Variants in DENND2B observed in about 807,000 individuals in gnomAD.
The protein encoded by DENND2B is DENN domain-containing protein 2B.
In DENND2B, 32 loss-of-function variants were observed where a neutral mutation model predicts 116.0. The ratio of observed to expected loss-of-function variants is 0.28; its 90% confidence interval spans 0.21 to 0.37. The LOEUF (loss-of-function observed/expected upper bound fraction) is 0.37, where lower values mean the gene tolerates loss of function less well. Among genes scored for constraint, DENND2B ranks in the 10% least tolerant of loss-of-function variants. DENND2B has a pLI of 1.00. For synonymous variants in DENND2B, 588 were observed against 583.9 expected, an observed-to-expected ratio of 1.01 and a Z score of -0.10; for missense variants, 1,276 against 1,477.7, an observed-to-expected ratio of 0.86 and a Z score of 2.24.
At chr11:8,775,783 G>C (rs1224732594) in intron 1 of DENND2B, among the ~76,000 whole-genome samples, 1 of 152,144 alleles carries the variant, frequency 6.6e-6, no homozygotes, top group African/African-American at 2.4e-5. Flanking sequence ...CTCATACCTA[G>C]TTTACTGCAA....
At chr11:8,880,901 A>T (rs2063897785) in intron 2 of DENND2B, 2 of 152,148 alleles carry the variant, frequency 1.3e-5, no homozygotes, top group Admixed American at 6.5e-5. Context: ...AGAAAGGAGA[A>T]ATGTAAATTC....
Position 8,766,553 on chromosome 11 carries a change from G to A in DENND2B, c.-25-15828C>T, listed in dbSNP as rs1322592946. On this transcript the variant is annotated intron_variant, in intron 1 of 19. Coordinates refer to ENST00000313726, the MANE Select transcript of DENND2B (RefSeq NM_213618.2). ...AATCCAAAGAGACAGGGAGCAATGG[G>A]AACCAAGGAGAGGGCTTCCACTGAC... 4 of 1,181,772 alleles carry A rather than the reference G, an allele frequency of 3.4e-6. No homozygotes were observed. In the South Asian group the frequency reaches 5.2e-5, roughly 15 times the overall value. The allele number at this position is 1,181,772 out of a possible 1,614,324, so 73.2% of individuals were successfully genotyped here. A position where few individuals can be genotyped will look rare whatever the true frequency, so the allele number is the denominator to read the frequency against.
At chr11:8,880,297 A>T (rs1433592533) in intron 2 of DENND2B, among the ~76,000 whole-genome samples, 3 of 151,758 alleles carry the variant, frequency 2.0e-5, no homozygotes, top group Non-Finnish European at 4.4e-5. Context: ...AATATTTAAG[A>T]GCTCAAAAAG....
intron 4 of DENND2B, among the ~76,000 whole-genome samples, chr11:8,823,868 G>T (rs2061860426): frequency 1.3e-5 from 2 of 149,474 alleles, no homozygotes; most frequent in African/African-American, 2.5e-5. Context: ...TCCTTTTTTT[G>T]TGACTTGAGG....
At position 8,713,903 on chromosome 11, in the gene DENND2B, T is replaced by C. The variant is rs1260940923; in HGVS notation, c.1987+95A>G. On this transcript the variant is annotated intron_variant, in intron 8 of 19. Transcript: ENST00000313726. Reference sequence around the variant, plus strand: ...TGTCACCTCTCCACATCAGGCCGGTTAGGGACACTGGAACCACACATGCAT... The same window carrying C: ...TGTCACCTCTCCACATCAGGCCGGTCAGGGACACTGGAACCACACATGCAT... 5.0e-6 allele frequency: 7 copies of C among 1,387,790 alleles called. No individual in the cohort carries two copies. In the East Asian group the frequency reaches 1.1e-4, roughly 23 times the overall value. The allele number at this position is 1,387,790 out of a possible 1,614,324, so 86.0% of individuals were successfully genotyped here. A position where few individuals can be genotyped will look rare whatever the true frequency, so the allele number is the denominator to read the frequency against.
At chr11:8,698,698 A>AG (rs1055654711) in intron 16 of DENND2B, among the ~76,000 whole-genome samples, 6 of 152,220 alleles carry the variant, frequency 3.9e-5, no homozygotes, top group African/African-American at 1.4e-4. Flanking sequence ...GTGGACTCCC[A>AG]GGCCGTGTTC....
At chr11:8,734,027 G>C (rs2048545439) in intron 2 of DENND2B, among the ~76,000 whole-genome samples, 1 of 152,174 alleles carries the variant, frequency 6.6e-6, no homozygotes, top group Non-Finnish European at 1.5e-5. Flanking sequence ...TACCACAGAG[G>C]AACCTGCCTG....
chr11:8,711,074 G>T (rs753586043), intron 10 of DENND2B, 48 bp downstream of exon 10: 4 of 1,596,570 alleles, frequency 2.5e-6, no homozygotes, highest in African/African-American at 2.7e-5. Context: ...CGCTATGGGG[G>T]TAAAGAAGGC....
upstream of DENND2B, among the ~76,000 whole-genome samples, chr11:8,813,789 G>T (rs1039416995): frequency 6.6e-6 from 1 of 152,098 alleles, no homozygotes; most frequent in African/African-American, 2.4e-5. Flanking sequence ...GAGTTATGGA[G>T]GTTCCTTAGG....
chr11:8,782,062 T>C (rs947647395), intron 1 of DENND2B, among the ~76,000 whole-genome samples: 1 of 152,216 alleles, frequency 6.6e-6, no homozygotes, highest in Non-Finnish European at 1.5e-5. Flanking sequence ...ATCACTTCCA[T>C]TCCTAGGTAG....
upstream of DENND2B, among the ~76,000 whole-genome samples, chr11:8,876,239 T>A (rs987926687): frequency 6.6e-6 from 1 of 152,098 alleles, no homozygotes; most frequent in African/African-American, 2.4e-5. Flanking sequence ...CTAAAGTACA[T>A]ATATATACTT....
At chr11:8,840,000 T>A (rs1195596673) in intron 3 of DENND2B, among the ~76,000 whole-genome samples, 1 of 151,592 alleles carries the variant, frequency 6.6e-6, no homozygotes, top group African/African-American at 2.4e-5. Flanking sequence ...AGTTTTGGGG[T>A]TTTTTTTCAA....
chr11:8,711,753 G>T (rs896573660), intron 9 of DENND2B: 2 of 269,170 alleles, frequency 7.4e-6, no homozygotes, highest in South Asian at 3.9e-5. Context: ...TGTAATCCCA[G>T]CTACTTGGGA....
intron 5 of DENND2B, 65 bp downstream of exon 5, chr11:8,717,675 TG>T: frequency 1.4e-6 from 2 of 1,471,068 alleles, no homozygotes; most frequent in Admixed American, 2.4e-5. Flanking sequence ...GCCCAAGTCT[TG>T]GAAGAGCAGG....
At chr11:8,848,419 A>T (rs2062884561) in intron 3 of DENND2B, among the ~76,000 whole-genome samples, 1 of 152,042 alleles carries the variant, frequency 6.6e-6, no homozygotes, top group South Asian at 2.1e-4. Flanking sequence ...ATTGTCAAAA[A>T]CACATTATTA....
intron 3 of DENND2B, among the ~76,000 whole-genome samples, chr11:8,840,420 A>G (rs1253211048): frequency 6.6e-6 from 1 of 152,062 alleles, no homozygotes; most frequent in Non-Finnish European, 1.5e-5. Context: ...AGAAGAAAAT[A>G]ATAGGGCTGA....
intron 4 of DENND2B, among the ~76,000 whole-genome samples, chr11:8,818,484 C>T (rs1005591203): frequency 8.5e-5 from 13 of 152,060 alleles, no homozygotes; most frequent in African/African-American, 2.9e-4. Flanking sequence ...AAAGAAGTAC[C>T]CCTAAGAGTA....
intron 4 of DENND2B, among the ~76,000 whole-genome samples, chr11:8,825,160 T>C (rs1594122739): frequency 2.0e-5 from 3 of 152,290 alleles, no homozygotes. Context: ...AAACATTCCT[T>C]TTTCTCCACA....
intron 1 of DENND2B, among the ~76,000 whole-genome samples, chr11:8,753,596 C>T (rs759145582): frequency 2.6e-5 from 4 of 151,966 alleles, no homozygotes; most frequent in African/African-American, 7.3e-5. Flanking sequence ...GGATACAGGA[C>T]AGCCAAAACA....
Sources: gnomAD v4.1 joint callset for allele counts (sites outside exome capture counted in the v4.1 genomes callset) on GRCh38, gnomAD v4.1.1 for gene constraint, MANE v1.5 for transcripts, NCBI Gene and HGNC (gene_info 2026-07-23, HGNC 2026-07-21) for gene names.